The following DGKB variants were observed in gnomAD, a reference collection of about 807,000 sequenced individuals.
DGKB encodes diacylglycerol kinase beta, also known as 90 kDa diacylglycerol kinase.
In DGKB, 67 loss-of-function variants were observed where a neutral mutation model predicts 114.3. The ratio of observed to expected loss-of-function variants is 0.59; its 90% CI spans 0.48 to 0.72. DGKB has a LOEUF of 0.72. DGKB is among the 30% of genes least tolerant of loss of function. DGKB has a pLI of 0.00. For synonymous variants in DGKB, 398 were observed against 323.1 expected (o/e 1.23, Z -2.49); for missense variants, 907 against 975.2 (o/e 0.93, Z 0.93).
chr7:14,503,320 A>G (rs1339786443), intron 20 of DGKB, among the ~76,000 whole-genome samples: 1 of 152,166 alleles, frequency 6.6e-6, no homozygotes, highest in Non-Finnish European at 1.5e-5. Flanking sequence ...TGTGTCTGTC[A>G]TCTCCAAGAC....
intron 2 of DGKB, among the ~76,000 whole-genome samples, chr7:14,822,196 A>G (rs1160368112): frequency 6.6e-6 from 1 of 152,166 alleles, no homozygotes; most frequent in East Asian, 1.9e-4. Flanking sequence ...CTGCTTATTC[A>G]AACCTGAAAT....
intron 21 of DGKB, among the ~76,000 whole-genome samples, chr7:14,392,667 C>T (rs1462115402): frequency 6.6e-6 from 1 of 152,122 alleles, no homozygotes; most frequent in Non-Finnish European, 1.5e-5. Flanking sequence ...TGTTTTGGTG[C>T]TGTTGTCTAA....
chr7:14,304,786 G>A (rs1037374581), intron 23 of DGKB, among the ~76,000 whole-genome samples: 5 of 152,058 alleles, frequency 3.3e-5, no homozygotes, highest in African/African-American at 1.2e-4. Flanking sequence ...AATTTGTTCA[G>A]CATGCCTGTT....
chr7:14,338,412 A>T, intron 23 of DGKB, 103 bp downstream of exon 23: 1 of 621,862 alleles, frequency 1.6e-6, no homozygotes, highest in Non-Finnish European at 2.5e-6. Flanking sequence ...CAACTGTAAA[A>T]ATATATAAAT....
At chr7:14,710,452 A>G (rs1200531339) in intron 6 of DGKB, among the ~76,000 whole-genome samples, 1 of 152,062 alleles carries the variant, frequency 6.6e-6, no homozygotes. Flanking sequence ...ATGAATTTCA[A>G]TTTCTTCTTT....
rs549456457 is a variant in DGKB at position 14,577,384 on chromosome 7, A to G, written c.1610-3012T>C. 6.6e-5 allele frequency among the ~76,000 whole-genome samples: 10 copies of G among 152,268 alleles called. No homozygotes were observed. In the East Asian group the frequency reaches 9.7e-4, roughly 15 times the overall value. On this transcript the variant is annotated intron_variant, in intron 19 of 25. Coordinates refer to ENST00000402815, the MANE Select transcript of DGKB (RefSeq NM_001350709.2). ...TATAATCCCAGCACTTTGGGAGGTC[A>G]AGGCGGGTGGATCACGAGGTCAGGA...
intron 17 of DGKB, among the ~76,000 whole-genome samples, chr7:14,596,977 C>T (rs748483590): frequency 2.6e-5 from 4 of 152,162 alleles, no homozygotes; most frequent in Non-Finnish European, 5.9e-5. Flanking sequence ...TGAAAGGAGT[C>T]CTTGCAAGTG....
intron 19 of DGKB, among the ~76,000 whole-genome samples, chr7:14,580,431 T>C (rs1241287664): frequency 1.3e-5 from 2 of 152,208 alleles, no homozygotes; most frequent in Non-Finnish European, 2.9e-5. Context: ...AGAGTGAGTC[T>C]CAAAACTGAG....
chr7:14,847,958 A>G (rs567747085), intron 1 of DGKB, among the ~76,000 whole-genome samples: 2 of 152,356 alleles, frequency 1.3e-5, no homozygotes, highest in Admixed American at 6.5e-5. Context: ...TTAGACTGGA[A>G]AAATTAAAAA....
chr7:14,854,706 G>A (rs1452011463), intron 1 of DGKB, among the ~76,000 whole-genome samples: 1 of 152,116 alleles, frequency 6.6e-6, no homozygotes, highest in East Asian at 1.9e-4. Flanking sequence ...GACAAGTACT[G>A]GTATGAGGCC....
At chr7:14,865,898 A>G (rs960532308) in intron 1 of DGKB, among the ~76,000 whole-genome samples, 1 of 152,188 alleles carries the variant, frequency 6.6e-6, no homozygotes, top group African/African-American at 2.4e-5. Flanking sequence ...GAGAAAAAGT[A>G]AAACCTAAAG....
intron 20 of DGKB, among the ~76,000 whole-genome samples, chr7:14,549,596 C>T (rs562456483): frequency 6.6e-6 from 1 of 151,960 alleles, no homozygotes; most frequent in Admixed American, 6.6e-5. Context: ...CTTTGTTGAG[C>T]GATAAAGAGA....
chr7:14,281,403 T>A (rs1319746071), intron 23 of DGKB, among the ~76,000 whole-genome samples: 1 of 127,806 alleles, frequency 7.8e-6, no homozygotes, highest in Non-Finnish European at 1.7e-5. Context: ...CTCCCACACA[T>A]TAATAATGGG....
intron 2 of DGKB, among the ~76,000 whole-genome samples, chr7:14,775,518 C>G (rs1178051368): frequency 6.6e-6 from 1 of 151,034 alleles, no homozygotes; most frequent in African/African-American, 2.4e-5. Flanking sequence ...CCCATAATCT[C>G]CACATGTTGT....
At chr7:14,604,295 T>C (rs949556026) in intron 17 of DGKB, among the ~76,000 whole-genome samples, 1 of 152,020 alleles carries the variant, frequency 6.6e-6, no homozygotes, top group Non-Finnish European at 1.5e-5. Flanking sequence ...AAATGCCCAG[T>C]GAGTTTTAGT....
At chr7:14,569,085 T>C (rs1264446034) in intron 20 of DGKB, among the ~76,000 whole-genome samples, 1 of 152,166 alleles carries the variant, frequency 6.6e-6, no homozygotes, top group Non-Finnish European at 1.5e-5. Flanking sequence ...TCTAGATTCA[T>C]TGATTGAGGA....
intron 9 of DGKB, among the ~76,000 whole-genome samples, chr7:14,693,727 C>A (rs951766105): frequency 4.0e-5 from 6 of 151,530 alleles, no homozygotes; most frequent in Admixed American, 6.6e-5. Flanking sequence ...AATGAAGCAC[C>A]AAAAGAACTG....
chr7:14,406,190 G>T (rs776541509), intron 21 of DGKB, among the ~76,000 whole-genome samples: 25 of 151,924 alleles, frequency 1.6e-4, no homozygotes. Context: ...TCCAGTGACT[G>T]AACCAAATCA....
At chr7:14,483,147 T>A (rs12536405) in intron 20 of DGKB, among the ~76,000 whole-genome samples, 7,678 of 152,100 alleles carry the variant, frequency 0.05, 254 homozygotes, top group Non-Finnish European at 0.058. Context: ...AGATATCAGA[T>A]CCTAATAACT....
Sources: allele counts gnomAD v4.1 joint callset (sites outside exome capture counted in the v4.1 genomes callset), GRCh38; gene constraint gnomAD v4.1.1; transcripts MANE v1.5; gene names NCBI Gene and HGNC (gene_info 2026-07-23, HGNC 2026-07-21).